POLQ: variants seen among roughly 807,000 people sequenced by gnomAD.
POLQ encodes the protein DNA polymerase theta.
A neutral mutation model predicts 259.2 loss-of-function variants in POLQ; 233 were observed. The ratio of observed to expected loss-of-function variants is 0.90; its 90% CI spans 0.81 to 1.00. POLQ has a LOEUF of 1.00. POLQ is among the 50% of genes least tolerant of loss of function. The probability of loss-of-function intolerance (pLI) is 0.00; values close to 1 mark genes in which losing one functional copy is unlikely to be tolerated. For missense variants in POLQ, 2,871 were observed against 3,051.6 expected (o/e 0.94, Z 1.39); for synonymous variants, 1,025 against 1,048.8 (o/e 0.98, Z 0.44).
At chr3:121,440,234 A>G in intron 26 of POLQ, 118 bp from the exon 27 acceptor site, 1 of 671,070 alleles carries the variant, frequency 1.5e-6, no homozygotes. Context: ...CATTAATATC[A>G]TATCGTCAAA....
intron 19 of POLQ, among the ~76,000 whole-genome samples, chr3:121,480,066 G>C (rs535783321): frequency 7.9e-5 from 12 of 151,724 alleles, no homozygotes; most frequent in African/African-American, 2.9e-4. Context: ...CTTAGCAATA[G>C]CTGTATATCA....
intron 7 of POLQ, among the ~76,000 whole-genome samples, chr3:121,525,335 C>T (rs149408529): frequency 0.01 from 1,326 of 132,158 alleles, 20 homozygotes; most frequent in African/African-American, 0.033. Flanking sequence ...ACGGAGACTC[C>T]GTCTCAAAAA....
At chr3:121,461,524 G>C (rs1382907637) in intron 24 of POLQ, among the ~76,000 whole-genome samples, 1 of 151,966 alleles carries the variant, frequency 6.6e-6, no homozygotes, top group Non-Finnish European at 1.5e-5. Context: ...GGTGGAGCAT[G>C]CCTGTAATCC....
intron 26 of POLQ, among the ~76,000 whole-genome samples, chr3:121,444,810 T>A (rs1014514210): frequency 1.3e-5 from 2 of 152,152 alleles, no homozygotes; most frequent in African/African-American, 2.4e-5. Context: ...GTTTTCATGA[T>A]GGAATGTTGA....
chr3:121,536,730 G>T (rs1576429645), intron 5 of POLQ, among the ~76,000 whole-genome samples: 1 of 152,092 alleles, frequency 6.6e-6, no homozygotes, highest in East Asian at 1.9e-4. Context: ...TTGCAGCCTG[G>T]AACTCTTGGG....
intron 9 of POLQ, among the ~76,000 whole-genome samples, chr3:121,516,884 G>C (rs1397735133): frequency 6.6e-6 from 1 of 152,168 alleles, no homozygotes; most frequent in African/African-American, 2.4e-5. Context: ...GAAATACAAT[G>C]ATATGCAAGA....
intron 8 of POLQ, among the ~76,000 whole-genome samples, chr3:121,520,847 G>A (rs2048331498): frequency 6.6e-6 from 1 of 152,118 alleles, no homozygotes; most frequent in African/African-American, 2.4e-5. Context: ...GATATCTTCA[G>A]GGCCTATGCA....
chr3:121,528,210 C>T (rs2048386278), intron 7 of POLQ, among the ~76,000 whole-genome samples: 1 of 152,104 alleles, frequency 6.6e-6, no homozygotes, highest in South Asian at 2.1e-4. Flanking sequence ...CAGCCTCCAC[C>T]TCCCAGGTTC....
At chr3:121,475,344 C>T (rs1401266850) in intron 20 of POLQ, among the ~76,000 whole-genome samples, 1 of 152,112 alleles carries the variant, frequency 6.6e-6, no homozygotes, top group Non-Finnish European at 1.5e-5. Flanking sequence ...GCTTATTTCA[C>T]TTAGCATAAC....
chr3:121,504,009 T>C (rs997984981), intron 12 of POLQ, among the ~76,000 whole-genome samples: 5 of 152,180 alleles, frequency 3.3e-5, no homozygotes, highest in Non-Finnish European at 5.9e-5. Flanking sequence ...AGTGCCACCA[T>C]GCCCAGCTAA....
In POLQ at chr3:121,533,090, A is replaced by G. The variant is rs772737860; in HGVS notation, c.860T>C (p.Phe287Ser). The change falls in exon 6 of 30, where the codon TTT (phenylalanine) becomes TCT (serine). Residue 287 changes from phenylalanine (F) to serine (S), a missense_variant. Phe to Ser is a radical substitution (Grantham distance 155). Transcript: ENST00000264233. The part of the protein sequence containing the change: ...WLNAELYHTD[F>S]RPVPLLESVK... ...TGACTCCAAAAGCGGTACAGGGCGA[A>G]AGTCGGTATGGTAGAGTTCAGCATT... is the stretch of plus-strand genomic sequence containing the variant. 24 of 1,614,048 alleles carry G rather than the reference A, an allele frequency of 1.5e-5. No individual in the cohort carries two copies. Among genetic ancestry groups the G allele is most frequent in the Non-Finnish European group, 1.9e-5 (23 of 1,179,996 alleles).
intron 26 of POLQ, among the ~76,000 whole-genome samples, chr3:121,446,975 GACA>G (rs1032020136): frequency 3.3e-5 from 5 of 151,932 alleles, no homozygotes; most frequent in Admixed American, 2.6e-4. Context: ...GACAGTTAAG[GACA>G]ACATCATTTT....
intron 22 of POLQ, among the ~76,000 whole-genome samples, chr3:121,471,120 T>A (rs1453546294): frequency 6.6e-6 from 1 of 152,168 alleles, no homozygotes; most frequent in African/African-American, 2.4e-5. Context: ...CCACTACACA[T>A]CACATTTAGC....
intron 29 of POLQ, 31 bp downstream of exon 29, chr3:121,432,887 T>C (rs1320791365): frequency 4.1e-6 from 5 of 1,233,080 alleles, no homozygotes; most frequent in Non-Finnish European, 6.0e-6. Flanking sequence ...CTTGTCTTCC[T>C]ATGGAATGGA....
chr3:121,468,477 A>T (rs776294360), intron 22 of POLQ, 46 bp from the exon 23 acceptor site: 5 of 1,429,496 alleles, frequency 3.5e-6, no homozygotes, highest in African/African-American at 2.8e-5. Flanking sequence ...AAAAAAATCT[A>T]GTATTTGTCT....
intron 25 of POLQ, among the ~76,000 whole-genome samples, chr3:121,453,968 C>G (rs1012051225): frequency 2.4e-4 from 37 of 152,084 alleles, no homozygotes; most frequent in Admixed American, 5.2e-4. Flanking sequence ...AAAATGTTAA[C>G]GGCAGCCAGA....
chr3:121,540,697 T>C (rs2048483504), intron 3 of POLQ, among the ~76,000 whole-genome samples: 1 of 152,194 alleles, frequency 6.6e-6, no homozygotes, highest in Non-Finnish European at 1.5e-5. Context: ...TTTCTATGCT[T>C]CAGTCTAGTC....
chr3:121,490,837 T>C (rs1359532132), intron 15 of POLQ, among the ~76,000 whole-genome samples: 1 of 152,120 alleles, frequency 6.6e-6, no homozygotes, highest in Non-Finnish European at 1.5e-5. Flanking sequence ...GCGAATCACT[T>C]GAGGCAACGA....
chr3:121,510,356 T>C (rs1438712690), intron 10 of POLQ, 113 bp from the exon 11 acceptor site: 28 of 679,178 alleles, frequency 4.1e-5, no homozygotes, highest in Non-Finnish European at 3.8e-5. Flanking sequence ...GGCGGGCGGA[T>C]CACGAGGTCT....
Sources: allele counts gnomAD v4.1 joint callset (sites outside exome capture counted in the v4.1 genomes callset), GRCh38; gene constraint gnomAD v4.1.1; transcripts MANE v1.5; gene names NCBI Gene and HGNC (gene_info 2026-07-23, HGNC 2026-07-21).